FAM200B: variants seen among roughly 807,000 people sequenced by gnomAD.
FAM200B encodes the protein zinc finger BED-type containing 11.
A neutral mutation model predicts 33.1 loss-of-function variants in FAM200B; 32 were observed. The observed-to-expected ratio is 0.97, with a 90% CI of 0.73 to 1.30. The LOEUF (loss-of-function observed/expected upper bound fraction) is 1.30, where lower values mean the gene tolerates loss of function less well. FAM200B is among the 50% of genes most tolerant of loss of function. The pLI is 0.00. For missense variants in FAM200B, 741 were observed against 754.0 expected, an observed-to-expected ratio of 0.98 and a Z score of 0.20; for synonymous variants, 240 against 264.8, an observed-to-expected ratio of 0.91 and a Z score of 0.91.
At chr4:15,638,576 C>T in the FAM200B span, 1 of 1,611,944 alleles carries the variant, frequency 6.2e-7, no homozygotes, top group Non-Finnish European at 8.5e-7. Flanking sequence ...ATTCCATAGG[C>T]TAAGACCTCT....
At chr4:15,679,420 G>A (rs1718117995), upstream of FAM200B, among the ~76,000 whole-genome samples, 1 of 151,966 alleles carries the variant, frequency 6.6e-6, no homozygotes, top group Non-Finnish European at 1.5e-5. Flanking sequence ...ATAAACCTGA[G>A]TAATATTTAC....
At chr4:15,676,580 C>T in the FAM200B span, among the ~76,000 whole-genome samples, 1 of 152,024 alleles carries the variant, frequency 6.6e-6, no homozygotes, top group Non-Finnish European at 1.5e-5. Context: ...TTATAAAAAT[C>T]TTAACACTCA....
the FAM200B span, chr4:15,641,481 C>T: frequency 2.3e-5 from 8 of 345,474 alleles, no homozygotes; most frequent in Non-Finnish European, 2.7e-5. Flanking sequence ...AGATTTTTTT[C>T]TTCCGTATGA....
At chr4:15,643,959 C>CA in the FAM200B span, among the ~76,000 whole-genome samples, 8 of 152,306 alleles carry the variant, frequency 5.3e-5, no homozygotes, top group African/African-American at 1.9e-4. Context: ...TGAAGACTCT[C>CA]ACCAAACCTG....
At chr4:15,638,739 T>G in the FAM200B span, 1 of 1,228,702 alleles carries the variant, frequency 8.1e-7, no homozygotes, top group Non-Finnish European at 1.2e-6. Flanking sequence ...TTCATTCGTG[T>G]TGATTTACTC....
At chr4:15,668,218 C>T in the FAM200B span, among the ~76,000 whole-genome samples, 1 of 150,494 alleles carries the variant, frequency 6.6e-6, no homozygotes, top group Non-Finnish European at 1.5e-5. Flanking sequence ...TGTAAATGGT[C>T]AGTTCATTTG....
At chr4:15,640,924 C>T in the FAM200B span, 2 of 1,147,166 alleles carry the variant, frequency 1.7e-6, no homozygotes, top group Admixed American at 5.4e-5. Flanking sequence ...AAAAGTTTCG[C>T]TTCATTAATT....
chr4:15,662,954 A>G, the FAM200B span, among the ~76,000 whole-genome samples: 2 of 152,264 alleles, frequency 1.3e-5, no homozygotes, highest in South Asian at 2.1e-4. Flanking sequence ...ATAAAACAAT[A>G]GAGCATATTG....
the FAM200B span, chr4:15,656,437 G>A: frequency 1.1e-5 from 4 of 380,132 alleles, no homozygotes; most frequent in Admixed American, 1.3e-4. Flanking sequence ...AGGAGGGCAA[G>A]AACCAGATAT....
the FAM200B span, among the ~76,000 whole-genome samples, chr4:15,645,868 T>C: frequency 6.6e-6 from 1 of 152,212 alleles, no homozygotes; most frequent in Non-Finnish European, 1.5e-5. Flanking sequence ...AATTCATACA[T>C]TTTTTACTCT....
chr4:15,687,629 C>A lies in FAM200B; in HGVS notation c.652C>A (p.Arg218Ser). Residue 218 changes from arginine (R) to serine (S), a missense_variant, in exon 2 of 2, where the codon CGT (arginine) becomes AGT (serine). By Grantham distance (110) the Arg-to-Ser change is moderately radical (BLOSUM62 -1). Coordinates refer to ENST00000422728, the MANE Select transcript of FAM200B (RefSeq NM_001145191.2). ...AEHLETMLITRLQSGIDFAIQ... is the reference protein window; with the variant it reads ...AEHLETMLITSLQSGIDFAIQ... ...ACATTTAGAAACAATGCTTATTACT[C>A]GTTTACAGTCTGGTATAGATTTTGC... The A allele has an allele frequency of 1.9e-6, 3 of 1,550,906 alleles. No individual in the cohort carries two copies. Among genetic ancestry groups the A allele is most frequent in the Non-Finnish European group, 2.6e-6 (3 of 1,146,538 alleles).
the FAM200B span, among the ~76,000 whole-genome samples, chr4:15,662,535 G>T: frequency 1.3e-5 from 2 of 152,144 alleles, no homozygotes; most frequent in African/African-American, 4.8e-5. Flanking sequence ...TATCCCAAGA[G>T]ATCATCAGAT....
At chr4:15,641,729 C>T in the FAM200B span, 2 of 401,840 alleles carry the variant, frequency 5.0e-6, no homozygotes, top group South Asian at 3.7e-5. Context: ...GTCAACTGTA[C>T]CTGTTAACAT....
At chr4:15,682,429 A>T (rs1718394031) in intron 1 of FAM200B, among the ~76,000 whole-genome samples, 1 of 152,206 alleles carries the variant, frequency 6.6e-6, no homozygotes, top group African/African-American at 2.4e-5. Context: ...AATTGGAGAA[A>T]TAAATGATTA....
chr4:15,644,792 C>T, the FAM200B span: 1 of 895,172 alleles, frequency 1.1e-6, no homozygotes. Context: ...TCCCTATTCA[C>T]TTTTGCACAC....
At chr4:15,647,679 TA>T in the FAM200B span, among the ~76,000 whole-genome samples, 3 of 152,216 alleles carry the variant, frequency 2.0e-5, no homozygotes, top group African/African-American at 7.2e-5. Context: ...AAAGAGACTC[TA>T]AATTACAGGT....
chr4:15,688,132 A>C lies in FAM200B; in HGVS notation c.1155A>C (p.Lys385Asn). 6.4e-7 allele frequency: 1 copy of C among 1,551,252 alleles called. No individual in the cohort carries two copies. Among genetic ancestry groups the C allele is most frequent in the Non-Finnish European group, 8.7e-7 (1 of 1,146,700 alleles). Residue 385 changes from lysine (K) to asparagine (N), a missense_variant, in exon 2 of 2, where the codon AAA becomes AAC. Transcript: ENST00000422728. ...TNHTHLLYHT[K>N]IRWLSQGKIL... ...ATACCCACTTACTATATCATACCAA[A>C]ATTCGTTGGTTGTCTCAAGGGAAAA...
chr4:15,674,100 T>C, the FAM200B span, among the ~76,000 whole-genome samples: 1 of 152,168 alleles, frequency 6.6e-6, no homozygotes, highest in South Asian at 2.1e-4. Context: ...TCCAACACTC[T>C]GAATCAAAAA....
the FAM200B span, among the ~76,000 whole-genome samples, chr4:15,663,646 G>T: frequency 3.6e-4 from 55 of 152,264 alleles, no homozygotes; most frequent in African/African-American, 1.3e-3. Context: ...CTGTGGTGGA[G>T]ATTAAATGAG....
Sources: gnomAD v4.1 joint callset for allele counts (sites outside exome capture counted in the v4.1 genomes callset) on GRCh38, gnomAD v4.1.1 for gene constraint, MANE v1.5 for transcripts, NCBI Gene and HGNC (gene_info 2026-07-23, HGNC 2026-07-21) for gene names.